The following L3MBTL4 variants were observed in gnomAD, a reference collection of about 807,000 sequenced individuals.
L3MBTL4 encodes the protein L3MBTL histone methyl-lysine binding protein 4, also known as lethal(3)malignant brain tumor-like protein 4.
L3MBTL4 carries 70 observed loss-of-function variants against 84.5 expected under a neutral mutation model. The ratio of observed to expected loss-of-function variants is 0.83; its 90% confidence interval spans 0.68 to 1.01. L3MBTL4 has a LOEUF of 1.01. Among genes scored for constraint, L3MBTL4 ranks in the 50% least tolerant of loss-of-function variants. The probability of loss-of-function intolerance (pLI) is 0.00; values close to 1 mark genes in which losing one functional copy is unlikely to be tolerated. For synonymous variants in L3MBTL4, 274 were observed against 259.8 expected (o/e 1.05, Z -0.52); for missense variants, 715 against 754.8 (o/e 0.95, Z 0.62).
At chr18:6,315,491 G>T (rs1054831917) in intron 1 of L3MBTL4, among the ~76,000 whole-genome samples, 13 of 152,140 alleles carry the variant, frequency 8.5e-5, no homozygotes, top group African/African-American at 3.1e-4. Context: ...ACTTATGACA[G>T]CCCGACAATA....
intron 13 of L3MBTL4, among the ~76,000 whole-genome samples, chr18:6,161,441 G>A (rs189473558): frequency 2.0e-4 from 30 of 152,272 alleles, no homozygotes; most frequent in Non-Finnish European, 3.7e-4. Flanking sequence ...TGAATATTAT[G>A]GTCTTGGCTC....
chr18:6,213,376 T>C, intron 11 of L3MBTL4, 117 bp from the exon 12 acceptor site: 1 of 578,348 alleles, frequency 1.7e-6, no homozygotes, highest in Non-Finnish European at 3.1e-6. Context: ...TCAATACAAC[T>C]GGAATTTAGT....
intron 13 of L3MBTL4, among the ~76,000 whole-genome samples, chr18:6,156,783 GCA>G (rs2043123118): frequency 6.6e-6 from 1 of 152,104 alleles, no homozygotes; most frequent in Non-Finnish European, 1.5e-5. Context: ...CTGTAAATTC[GCA>G]CAGAGCTGTG....
At chr18:6,395,705 T>C (rs907302270) in intron 1 of L3MBTL4, 1 of 152,178 alleles carries the variant, frequency 6.6e-6, no homozygotes, top group Admixed American at 6.5e-5. Flanking sequence ...ACTGCAAAAA[T>C]GGAGATGCAG....
chr18:6,132,094 T>A (rs1251959675), intron 14 of L3MBTL4, among the ~76,000 whole-genome samples: 3 of 152,136 alleles, frequency 2.0e-5, no homozygotes, highest in Admixed American at 2.0e-4. Flanking sequence ...CAACAGTAAC[T>A]CCATCAAGGA....
intron 16 of L3MBTL4, chr18:6,017,736 C>G (rs2055062187): frequency 6.6e-6 from 1 of 152,146 alleles, no homozygotes; most frequent in African/African-American, 2.4e-5. Flanking sequence ...CCTGCCTAAG[C>G]AAGGCCTTAA....
chr18:6,213,208 G>T lies in L3MBTL4; in HGVS notation c.922C>A (p.Arg308=). 1 of 1,611,336 alleles carries T rather than the reference G, an allele frequency of 6.2e-7. No homozygotes were observed. The change falls in exon 12 of 19, where the codon CGG becomes AGG. Residue 308 remains arginine, a synonymous_variant. Coordinates refer to ENST00000317931, the MANE Select transcript of L3MBTL4 (RefSeq NM_001330559.2). ...GCAACACGAATTAACCTGGGGTTCCGTTTATCCACAACTTCAAGTTTCATA... is the reference window on the plus strand; with the variant it reads ...GCAACACGAATTAACCTGGGGTTCCTTTTATCCACAACTTCAAGTTTCATA... ...PNMKLEVVDK[R]NPRLIRVATI...
intron 1 of L3MBTL4, among the ~76,000 whole-genome samples, chr18:6,325,082 A>G (rs1247472043): frequency 6.6e-6 from 1 of 152,136 alleles, no homozygotes; most frequent in African/African-American, 2.4e-5. Context: ...GCAACCCATA[A>G]AAAAGCAACT....
intron 1 of L3MBTL4, among the ~76,000 whole-genome samples, chr18:6,379,649 G>C (rs2054515448): frequency 6.6e-6 from 1 of 152,138 alleles, no homozygotes; most frequent in African/African-American, 2.4e-5. Flanking sequence ...AACCAGCCTT[G>C]CATCCCAGAT....
chr18:5,991,430 G>C (rs978655119), intron 16 of L3MBTL4, among the ~76,000 whole-genome samples: 1 of 152,252 alleles, frequency 6.6e-6, no homozygotes, highest in South Asian at 2.1e-4. Context: ...GCCTTTAAGA[G>C]GCACATAAAC....
chr18:6,036,915 C>T (rs1246165795), intron 16 of L3MBTL4, among the ~76,000 whole-genome samples: 7 of 152,176 alleles, frequency 4.6e-5, no homozygotes, highest in Non-Finnish European at 8.8e-5. Flanking sequence ...TCTCCATACA[C>T]ATGGTTGCTT....
chr18:6,184,093 G>A (rs9966042), intron 12 of L3MBTL4, among the ~76,000 whole-genome samples: 140,849 of 152,262 alleles, frequency 0.93, 65,235 homozygotes, highest in East Asian at 1. Context: ...ACACAGAGAT[G>A]TACTTACAAA....
chr18:6,387,071 C>T (rs559376707), intron 1 of L3MBTL4, among the ~76,000 whole-genome samples: 21 of 152,208 alleles, frequency 1.4e-4, no homozygotes, highest in Admixed American at 6.5e-4. Context: ...GGACTGGCGA[C>T]AGACAGGATT....
At chr18:6,139,817 C>T (rs191880404) in intron 13 of L3MBTL4, among the ~76,000 whole-genome samples, 2 of 152,264 alleles carry the variant, frequency 1.3e-5, no homozygotes, top group African/African-American at 2.4e-5. Flanking sequence ...CTCTGTGCCT[C>T]CTCAGGGCCA....
At chr18:6,247,075 T>G (rs1006043384) in intron 5 of L3MBTL4, among the ~76,000 whole-genome samples, 1 of 152,206 alleles carries the variant, frequency 6.6e-6, no homozygotes, top group Non-Finnish European at 1.5e-5. Flanking sequence ...AGCATATACA[T>G]AGATAGAGAA....
intron 15 of L3MBTL4, 104 bp downstream of exon 15, chr18:6,093,251 A>G: frequency 1.1e-6 from 1 of 912,248 alleles, no homozygotes. Flanking sequence ...AATAAAAATA[A>G]TTCTTTTGAA....
At chr18:6,041,231 G>A (rs1381102351) in intron 16 of L3MBTL4, among the ~76,000 whole-genome samples, 1 of 152,168 alleles carries the variant, frequency 6.6e-6, no homozygotes, top group Admixed American at 6.5e-5. Flanking sequence ...CCTGCCATTG[G>A]GCCTGCAGCT....
chr18:6,296,029 T>C (rs2050095735), intron 4 of L3MBTL4, among the ~76,000 whole-genome samples: 1 of 152,244 alleles, frequency 6.6e-6, no homozygotes, highest in African/African-American at 2.4e-5. Context: ...GGTAAGGAAT[T>C]ACCTCAGTGG....
intron 5 of L3MBTL4, among the ~76,000 whole-genome samples, chr18:6,250,068 C>T (rs996564171): frequency 5.3e-5 from 8 of 152,144 alleles, no homozygotes; most frequent in Non-Finnish European, 1.0e-4. Flanking sequence ...TCCAAAGAAG[C>T]GCCAGTGCTC....
Sources: allele counts gnomAD v4.1 joint callset (sites outside exome capture counted in the v4.1 genomes callset), GRCh38; gene constraint gnomAD v4.1.1; transcripts MANE v1.5; gene names NCBI Gene and HGNC (gene_info 2026-07-23, HGNC 2026-07-21).